KCNAB1: variants seen among roughly 807,000 people sequenced by gnomAD.
The protein encoded by KCNAB1 is potassium voltage-gated channel subfamily A regulatory beta subunit 1.
Under a neutral mutation model 64.6 loss-of-function variants are expected in KCNAB1, and 35 were observed. The observed-to-expected ratio is 0.54, with a 90% CI of 0.41 to 0.72. The LOEUF is 0.72. Ranked by LOEUF, KCNAB1 falls within the 30% of genes least tolerant of loss-of-function variation. The pLI is 0.00. For missense variants in KCNAB1, 401 were observed against 512.9 expected (o/e 0.78, Z 2.11); for synonymous variants, 177 against 183.8 (o/e 0.96, Z 0.30).
intron 1 of KCNAB1, among the ~76,000 whole-genome samples, chr3:156,140,711 G>A (rs956213098): frequency 6.6e-6 from 1 of 152,072 alleles, no homozygotes; most frequent in Non-Finnish European, 1.5e-5. Flanking sequence ...AATAAATAAT[G>A]GTATAGGATA....
chr3:156,435,239 T>C (rs1716508737), intron 2 of KCNAB1, among the ~76,000 whole-genome samples: 2 of 152,192 alleles, frequency 1.3e-5, no homozygotes, highest in African/African-American at 2.4e-5. Flanking sequence ...TAGTTTGTCT[T>C]GCTTTATTTT....
At chr3:156,150,704 G>C (rs1196308550) in intron 1 of KCNAB1, among the ~76,000 whole-genome samples, 1 of 152,162 alleles carries the variant, frequency 6.6e-6, no homozygotes, top group Non-Finnish European at 1.5e-5. Flanking sequence ...CTCTTCTGTT[G>C]CCTGAAACGC....
Position 156,537,749 on chromosome 3 carries a change from A to C in KCNAB1, c.*1002A>C, listed in dbSNP as rs1719155580. Reference sequence around the variant, plus strand: ...GCTCAGTTTTTTAAGTAAACCTGTAAAATACCCAGGAAGGCAAATGTTCAT... The same window carrying C: ...GCTCAGTTTTTTAAGTAAACCTGTACAATACCCAGGAAGGCAAATGTTCAT... On this transcript the variant is annotated 3_prime_UTR_variant, in exon 14 of 14. Transcript: ENST00000490337. 1 of 152,662 alleles carries C rather than the reference A, an allele frequency of 6.6e-6. No individual in the cohort carries two copies. The highest frequency in any genetic ancestry group is 2.4e-5 in the African/African-American group (1 of 41,454). 9.5% of individuals were successfully genotyped at this position (152,662 alleles called of 1,614,324 possible).
intron 1 of KCNAB1, among the ~76,000 whole-genome samples, chr3:156,362,121 A>G (rs1725653884): frequency 6.6e-6 from 1 of 152,226 alleles, no homozygotes; most frequent in Non-Finnish European, 1.5e-5. Context: ...CTATATCTAT[A>G]TATCAACATC....
At chr3:156,513,385 A>G (rs966057222) in intron 8 of KCNAB1, among the ~76,000 whole-genome samples, 2 of 152,198 alleles carry the variant, frequency 1.3e-5, no homozygotes, top group South Asian at 2.1e-4. Flanking sequence ...CTCTACTTTG[A>G]GACAAGGATT....
chr3:156,319,624 G>T (rs974650328), intron 1 of KCNAB1, among the ~76,000 whole-genome samples: 10 of 152,202 alleles, frequency 6.6e-5, no homozygotes, highest in Admixed American at 5.9e-4. Flanking sequence ...CACCTGCAGA[G>T]CTCAAGAGCC....
At position 156,465,570 on chromosome 3, in the gene KCNAB1, T is replaced by C. The variant is rs9878855; in HGVS notation, c.528-73T>C. 10,816 of 1,405,370 alleles carry C rather than the reference T, an allele frequency of 7.7e-3. 316 individuals carry two copies. Among genetic ancestry groups the C allele is most frequent in the African/African-American group, 0.067 (4,763 of 70,932 alleles). The allele number at this position is 1,405,370 out of a possible 1,614,324, so 87.1% of individuals were successfully genotyped here. On this transcript the variant is annotated intron_variant, in intron 6 of 13. Transcript: ENST00000490337. Reference sequence around the variant, plus strand: ...TAAGAACAGGGTGCAAAATTAGCAATTCAGACCAGAGATTTAGAGAAGAAA... The same window carrying C: ...TAAGAACAGGGTGCAAAATTAGCAACTCAGACCAGAGATTTAGAGAAGAAA...
At chr3:156,312,483 G>A (rs901514814) in intron 1 of KCNAB1, among the ~76,000 whole-genome samples, 18 of 151,994 alleles carry the variant, frequency 1.2e-4, no homozygotes, top group African/African-American at 1.7e-4. Context: ...AGGCCGAGGC[G>A]GGTGGATCAC....
chr3:156,468,881 T>C (rs1273679930), intron 7 of KCNAB1, among the ~76,000 whole-genome samples: 1 of 152,252 alleles, frequency 6.6e-6, no homozygotes, highest in Non-Finnish European at 1.5e-5. Context: ...AAAGCTAAGC[T>C]GCCTCTCAAA....
intron 1 of KCNAB1, among the ~76,000 whole-genome samples, chr3:156,122,946 T>C (rs1157194395): frequency 6.6e-6 from 1 of 152,240 alleles, no homozygotes; most frequent in Admixed American, 6.5e-5. Context: ...TTGAGATTCC[T>C]GGACAGTGAC....
intron 8 of KCNAB1, among the ~76,000 whole-genome samples, chr3:156,484,930 T>C (rs1449590273): frequency 6.6e-6 from 1 of 152,128 alleles, no homozygotes; most frequent in Admixed American, 6.6e-5. Flanking sequence ...GCTGAGTTGC[T>C]CAGACCTTCA....
At chr3:156,384,342 C>T (rs1712406205) in intron 1 of KCNAB1, among the ~76,000 whole-genome samples, 1 of 152,178 alleles carries the variant, frequency 6.6e-6, no homozygotes, top group Admixed American at 6.5e-5. Flanking sequence ...GCCTGAATGT[C>T]CTTCTACTCT....
At chr3:156,291,735 A>G in intron 1 of KCNAB1, 1 of 1,450,264 alleles carries the variant, frequency 6.9e-7, no homozygotes, top group Non-Finnish European at 9.1e-7. Context: ...CCCTTGTGCC[A>G]CTTTGTGGGC....
chr3:156,468,718 A>G (rs949903164), intron 7 of KCNAB1, among the ~76,000 whole-genome samples: 2 of 152,226 alleles, frequency 1.3e-5, no homozygotes, highest in Non-Finnish European at 2.9e-5. Flanking sequence ...GCTAGTCTTC[A>G]TTCCATGGAT....
chr3:156,446,893 G>C (rs1012686035), intron 2 of KCNAB1: 13 of 152,196 alleles, frequency 8.5e-5, no homozygotes, highest in Admixed American at 7.2e-4. Flanking sequence ...AAGTCAGATT[G>C]TGTCACTTCT....
At chr3:156,371,076 T>G (rs1205005604) in intron 1 of KCNAB1, among the ~76,000 whole-genome samples, 1 of 152,218 alleles carries the variant, frequency 6.6e-6, no homozygotes, top group Admixed American at 6.5e-5. Flanking sequence ...ATCTCAGCAT[T>G]GGCCACTTCC....
intron 1 of KCNAB1, among the ~76,000 whole-genome samples, chr3:156,288,837 C>T (rs1304371829): frequency 6.6e-6 from 1 of 152,224 alleles, no homozygotes; most frequent in Non-Finnish European, 1.5e-5. Flanking sequence ...GCTGGCTGTG[C>T]TTAAACTAGA....
rs767304968 is a variant in KCNAB1 at position 156,331,470 on chromosome 3, C to G, written c.276-90146C>G. ...AAAACAAAGGAGTCGTTTTTTAAAGCTAACGTTCAATGTAAAAGAATACCC... is the reference window on the plus strand; with the variant it reads ...AAAACAAAGGAGTCGTTTTTTAAAGGTAACGTTCAATGTAAAAGAATACCC... On this transcript the variant is annotated intron_variant, in intron 1 of 13. Transcript: ENST00000490337. Among the ~76,000 whole-genome samples, 104 of 152,046 alleles carry G rather than the reference C, an allele frequency of 6.8e-4. 1 individual carries two copies. Among genetic ancestry groups the G allele is most frequent in the Admixed American group, 2.6e-4 (4 of 15,260 alleles).
chr3:156,232,589 C>G (rs140182646), intron 1 of KCNAB1, among the ~76,000 whole-genome samples: 1 of 152,236 alleles, frequency 6.6e-6, no homozygotes, highest in South Asian at 2.1e-4. Context: ...CAGAAGCCCA[C>G]GCCAGATGAA....
Sources: allele counts gnomAD v4.1 joint callset (sites outside exome capture counted in the v4.1 genomes callset), GRCh38; gene constraint gnomAD v4.1.1; transcripts MANE v1.5; gene names NCBI Gene and HGNC (gene_info 2026-07-23, HGNC 2026-07-21).